Variants in SPATA31H1 observed in about 807,000 individuals in gnomAD.
SPATA31H1 encodes the protein SPATA31 subfamily H member 1.
the SPATA31H1 span, chr2:27,566,240 G>A: frequency 1.4e-6 from 1 of 711,350 alleles, no homozygotes; most frequent in Admixed American, 2.0e-5. Flanking sequence ...TTTCCTTACT[G>A]GTACTTTAAT....
chr2:27,571,408 CAGA>C, the SPATA31H1 span: 228 of 398,482 alleles, frequency 5.7e-4, no homozygotes, highest in African/African-American at 4.4e-3. Flanking sequence ...GGGTCACAGA[CAGA>C]AGATGTCAAA....
At chr2:27,564,845 T>C in the SPATA31H1 span, among the ~76,000 whole-genome samples, 7 of 152,106 alleles carry the variant, frequency 4.6e-5, no homozygotes, top group African/African-American at 1.4e-4. Context: ...ACAAATGTCA[T>C]TACTGCCTTT....
the SPATA31H1 span, chr2:27,576,949 G>A: frequency 6.2e-7 from 1 of 1,613,908 alleles, no homozygotes; most frequent in African/African-American, 1.3e-5. Context: ...CCTAGACCAG[G>A]GCATCAGTTT....
the SPATA31H1 span, chr2:27,576,572 T>C: frequency 6.4e-7 from 1 of 1,561,322 alleles, no homozygotes; most frequent in Non-Finnish European, 8.6e-7. Flanking sequence ...ATGTAAAACC[T>C]ATGGAGCTGA....
chr2:27,577,001 C>G, the SPATA31H1 span: 1 of 1,614,088 alleles, frequency 6.2e-7, no homozygotes, highest in Non-Finnish European at 8.5e-7. The surrounding 1 kb of genome is among the most constrained non-coding windows in gnomAD (Gnocchi z 4.5). Context: ...AGTATCAAAT[C>G]CCTAAATCTG....
chr2:27,581,660 T>C, the SPATA31H1 span: 10 of 1,612,522 alleles, frequency 6.2e-6, no homozygotes, highest in African/African-American at 1.3e-5. Flanking sequence ...GACATCGCAG[T>C]CCCTCTCAGA....
At chr2:27,538,568 T>G in the SPATA31H1 span, among the ~76,000 whole-genome samples, 1 of 152,008 alleles carries the variant, frequency 6.6e-6, no homozygotes, top group Non-Finnish European at 1.5e-5. Flanking sequence ...GTGGTGGCTC[T>G]CGCCTGTAAT....
chr2:27,580,544 G>C, the SPATA31H1 span: 1 of 1,614,072 alleles, frequency 6.2e-7, no homozygotes, highest in Non-Finnish European at 8.5e-7. Flanking sequence ...ATTTAAGAAG[G>C]AAGAGGATTG....
chr2:27,550,411 ATTT>A, the SPATA31H1 span, among the ~76,000 whole-genome samples: 1 of 94,524 alleles, frequency 1.1e-5, no homozygotes, highest in Non-Finnish European at 2.0e-5. Flanking sequence ...TGGGTGTTAA[ATTT>A]TTTTTTTTTT....
the SPATA31H1 span, among the ~76,000 whole-genome samples, chr2:27,558,618 A>G: frequency 1.3e-4 from 1 of 7,924 alleles, no homozygotes; most frequent in Non-Finnish European, 3.2e-4. Context: ...ACCATTGAGC[A>G]CTGAGTGAAC....
chr2:27,539,558 T>C, the SPATA31H1 span, among the ~76,000 whole-genome samples: 1 of 118,604 alleles, frequency 8.4e-6, no homozygotes, highest in African/African-American at 3.4e-5. Flanking sequence ...CTCAATTTTT[T>C]CCCCACTCTT....
chr2:27,577,759 G>A, the SPATA31H1 span: 1 of 1,614,088 alleles, frequency 6.2e-7, no homozygotes, highest in South Asian at 1.1e-5. This position sits in a 1 kb window ranked among gnomAD's most constrained non-coding sequence, Gnocchi z 4.5. Context: ...TCAGGGTTAG[G>A]ACATCAAGTC....
the SPATA31H1 span, among the ~76,000 whole-genome samples, chr2:27,544,303 A>G: frequency 6.6e-6 from 1 of 151,994 alleles, no homozygotes; most frequent in African/African-American, 2.4e-5. Flanking sequence ...TAAAACCCTA[A>G]TAAAGATATG....
the SPATA31H1 span, chr2:27,568,447 T>C: frequency 7.5e-6 from 3 of 399,002 alleles, no homozygotes; most frequent in Non-Finnish European, 1.3e-5. Context: ...TCAGCACCAT[T>C]ACATCAAGTC....
chr2:27,566,268 G>A, the SPATA31H1 span: 10 of 716,408 alleles, frequency 1.4e-5, no homozygotes, highest in South Asian at 1.0e-4. Flanking sequence ...CAATTACATT[G>A]ACATACACTG....
chr2:27,578,728 C>T, the SPATA31H1 span: 1 of 1,614,116 alleles, frequency 6.2e-7, no homozygotes, highest in Non-Finnish European at 8.5e-7. Context: ...AAGTTAACAT[C>T]AGAAGAGTTA....
the SPATA31H1 span, among the ~76,000 whole-genome samples, chr2:27,556,641 C>T: frequency 6.7e-6 from 1 of 149,294 alleles, no homozygotes; most frequent in Non-Finnish European, 1.5e-5. Flanking sequence ...TAGTTCTTGG[C>T]CAAAATTCTC....
chr2:27,556,134 C>CAA, the SPATA31H1 span, among the ~76,000 whole-genome samples: 56 of 92,722 alleles, frequency 6.0e-4, no homozygotes, highest in African/African-American at 8.3e-4. Flanking sequence ...GACTCCATCT[C>CAA]AAAAAAAAAA....
the SPATA31H1 span, chr2:27,582,004 A>T: frequency 6.2e-7 from 1 of 1,613,588 alleles, no homozygotes; most frequent in Non-Finnish European, 8.5e-7. Flanking sequence ...AGTCCCTTGG[A>T]GAGGAGCCGT....
Sources: gnomAD v4.1 joint callset for allele counts (sites outside exome capture counted in the v4.1 genomes callset) on GRCh38, gnomAD v4.1.1 for gene constraint, Gnocchi (gnomAD v3.1) non-coding constraint, MANE v1.5 for transcripts, NCBI Gene and HGNC (gene_info 2026-07-23, HGNC 2026-07-21) for gene names.